The following L3MBTL1 variants were observed in gnomAD, a reference collection of about 807,000 sequenced individuals.
L3MBTL1 encodes lethal(3)malignant brain tumor-like protein 1.
L3MBTL1 carries 75 observed loss-of-function variants against 105.3 expected under a neutral mutation model. The ratio of observed to expected loss-of-function variants is 0.71; its 90% CI spans 0.59 to 0.86. L3MBTL1 has a LOEUF of 0.86. Among genes scored for constraint, L3MBTL1 ranks in the 40% least tolerant of loss-of-function variants. L3MBTL1 has a pLI of 0.00. For synonymous variants in L3MBTL1, 452 were observed against 436.2 expected, an observed-to-expected ratio of 1.04 and a Z score of -0.45; for missense variants, 1,069 against 1,126.4, an observed-to-expected ratio of 0.95 and a Z score of 0.73.
At chr20:43,511,786 A>C (rs2018142838) in intron 1 of L3MBTL1, among the ~76,000 whole-genome samples, 1 of 151,708 alleles carries the variant, frequency 6.6e-6, no homozygotes, top group Non-Finnish European at 1.5e-5. Flanking sequence ...ATCTCAAAAA[A>C]AAAAAAAAAA....
At chr20:43,509,475 C>A (rs540399529) in intron 1 of L3MBTL1, among the ~76,000 whole-genome samples, 28 of 152,246 alleles carry the variant, frequency 1.8e-4, no homozygotes, top group Non-Finnish European at 2.9e-4. Flanking sequence ...GATCCTCCCA[C>A]CTTGGCCTCC....
rs555478619 is a variant in L3MBTL1 at position 43,508,059 on chromosome 20, G to GT, written c.-29+322dup. Among the ~76,000 whole-genome samples the GT allele has an allele frequency of 1.4e-4, 21 of 152,248 alleles. No homozygotes were observed. In the South Asian group the frequency reaches 3.7e-3, roughly 27 times the overall value. On this transcript the variant is annotated intron_variant, in intron 1 of 21. Coordinates refer to ENST00000418998, the MANE Select transcript of L3MBTL1 (RefSeq NM_001377303.1). The stretch of plus-strand genomic sequence containing the variant: ...TTTGGAGATACGCAATCAATTAAGA[G>GT]TTTTTTTATTAATGGAAAGGTGTGG...
chr20:43,531,061 G>A, intron 11 of L3MBTL1, 172 bp downstream of exon 11: 1 of 604,284 alleles, frequency 1.7e-6, no homozygotes, highest in East Asian at 2.9e-5. Flanking sequence ...CAGGGCCAGA[G>A]ATGGGAAGCT....
Position 43,514,680 on chromosome 20 carries a change from C to T in L3MBTL1, c.406C>T (p.Gln136Ter). 6.3e-7 allele frequency: 1 copy of T among 1,588,588 alleles called. No individual in the cohort carries two copies. The highest frequency in any genetic ancestry group is 8.6e-7 in the Non-Finnish European group (1 of 1,168,028). ...YKPLNMAGVE[Q>*]PPSPELRQEG... The stretch of plus-strand genomic sequence containing the variant: ...GCCGCTGAACATGGCGGGAGTGGAG[C>T]AGCCCCCGAGCCCCGAGCTGCGGCA... Residue 136 changes from glutamine (Q) to a stop codon, truncating the protein, a stop_gained, in exon 4 of 22, where the codon CAG (glutamine) becomes TAG (stop). Transcript: ENST00000418998. LOFTEE classifies it high-confidence loss of function.
intron 7 of L3MBTL1, among the ~76,000 whole-genome samples, chr20:43,517,100 T>C (rs1452520753): frequency 7.2e-6 from 1 of 138,928 alleles, no homozygotes; most frequent in Non-Finnish European, 1.6e-5. Context: ...CCTGGTCGTC[T>C]TTTTTTTTTT....
intron 11 of L3MBTL1, chr20:43,531,841 A>G (rs532526987): frequency 6.6e-6 from 1 of 152,378 alleles, no homozygotes; most frequent in Non-Finnish European, 1.5e-5. Flanking sequence ...CAGCGTAGGC[A>G]ACATAGTGAG....
intron 1 of L3MBTL1, among the ~76,000 whole-genome samples, chr20:43,511,730 G>A (rs1313622681): frequency 1.3e-5 from 2 of 149,402 alleles, no homozygotes; most frequent in African/African-American, 2.5e-5. Context: ...GCAGTCAGCC[G>A]AGATGGCACC....
chr20:43,519,121 G>A (rs1449751422), intron 7 of L3MBTL1, among the ~76,000 whole-genome samples: 1 of 151,938 alleles, frequency 6.6e-6, no homozygotes, highest in African/African-American at 2.4e-5. Flanking sequence ...TGGATCACTT[G>A]AGCTCAGGAA....
intron 14 of L3MBTL1, 43 bp downstream of exon 14, chr20:43,534,136 C>T (rs1269350230): frequency 1.9e-6 from 3 of 1,577,962 alleles, no homozygotes; most frequent in Non-Finnish European, 1.7e-6. Context: ...CTCAGAAAGA[C>T]ATGGAGCACT....
chr20:43,532,976 C>A (rs1178451703), intron 12 of L3MBTL1, 52 bp downstream of exon 12: 4 of 1,580,244 alleles, frequency 2.5e-6, no homozygotes, highest in Admixed American at 1.7e-5. Context: ...TGGCAGGGGG[C>A]AACTGCTTTC....
intron 9 of L3MBTL1, among the ~76,000 whole-genome samples, chr20:43,529,592 T>G (rs2019220584): frequency 6.6e-6 from 1 of 152,188 alleles, no homozygotes; most frequent in Non-Finnish European, 1.5e-5. Context: ...CTGGGGGAGC[T>G]TGAGGAGATC....
At chr20:43,541,946 C>G (rs1298136272), downstream of L3MBTL1, 1 of 980,910 alleles carries the variant, frequency 1.0e-6, no homozygotes, top group African/African-American at 1.8e-5. Context: ...CACAGTGGCT[C>G]ACGCCTGTAA....
chr20:43,525,711 A>G (rs1254931344), intron 7 of L3MBTL1, among the ~76,000 whole-genome samples: 5 of 152,184 alleles, frequency 3.3e-5, no homozygotes, highest in African/African-American at 1.2e-4. Context: ...TTTGGTGGTC[A>G]GGCCTCTTTC....
chr20:43,515,251 C>G (rs2018326247), intron 5 of L3MBTL1, 41 bp from the exon 6 acceptor site: 1 of 1,612,138 alleles, frequency 6.2e-7, no homozygotes, highest in African/African-American at 1.3e-5. Flanking sequence ...CTGGGTGGTG[C>G]AGGGCGGGTG....
chr20:43,513,468 G>C lies in L3MBTL1; in HGVS notation c.-28-8G>C. The C allele has an allele frequency of 4.5e-6, 7 of 1,547,240 alleles. No individual in the cohort carries two copies. Among genetic ancestry groups the C allele is most frequent in the Non-Finnish European group, 6.1e-6 (7 of 1,144,994 alleles). On this transcript the variant is annotated splice_polypyrimidine_tract_variant and splice_region_variant and intron_variant, in intron 1 of 21. Transcript: ENST00000418998. ...CTGATCACCCTGGGGGCTATGTTTG[G>C]CTTGTAGGCCTGCCAGGATGGAGGG...
At chr20:43,550,002 C>T (rs1568646650) in exon 19 of L3MBTL1, 2 of 152,192 alleles carry the variant, frequency 1.3e-5, no homozygotes, top group African/African-American at 4.8e-5. Flanking sequence ...TCCCTCTCAA[C>T]TGCTTAGAGG....
chr20:43,511,641 C>G lies in L3MBTL1; in HGVS notation c.-28-1835C>G, dbSNP rs527318445. Among the ~76,000 whole-genome samples, 22 of 151,916 alleles carry G rather than the reference C, an allele frequency of 1.4e-4. No homozygotes were observed. In the South Asian group the frequency reaches 4.0e-3, roughly 27 times the overall value. ...ACTAAAAATACAAAAAATAGCCAGG[C>G]TATGTGGTATGTGCCTGTAATCCCA... On this transcript the variant is annotated intron_variant, in intron 1 of 21. Coordinates refer to ENST00000418998, the MANE Select transcript of L3MBTL1 (RefSeq NM_001377303.1).
Position 43,513,653 on chromosome 20 carries a change from G to A in L3MBTL1, c.136+14G>A, listed in dbSNP as rs2018201032. 1 of 1,550,598 alleles carries A rather than the reference G, an allele frequency of 6.4e-7. No individual in the cohort carries two copies. Among genetic ancestry groups the A allele is most frequent in the Non-Finnish European group, 8.7e-7 (1 of 1,146,984 alleles). ...TCATCATTCCAGGTGAGTCAAGCTA[G>A]GGTAGGAGTCTGGGAAGGAAGAGCA... On this transcript the variant is annotated intron_variant, in intron 2 of 21. Transcript: ENST00000418998.
rs1244671075 is a variant in L3MBTL1 at position 43,515,089 on chromosome 20, G to A, written c.583G>A (p.Gly195Arg). The A allele has an allele frequency of 1.2e-6, 2 of 1,614,148 alleles. No individual in the cohort carries two copies. Among genetic ancestry groups the A allele is most frequent in the Non-Finnish European group, 1.7e-6 (2 of 1,180,004 alleles). ...TAGCACCTGTCAGTGCCAGGCGTGC[G>A]GGCCTCACCAAGCCGCGGGTCCAGA... is the stretch of plus-strand genomic sequence containing the variant. ...DDSTCQCQAC[G>R]PHQAAGPDLG... The change falls in exon 5 of 22, where the codon GGG becomes AGG. Residue 195 changes from glycine (G) to arginine (R), a missense_variant. Gly to Arg is a moderately radical substitution (Grantham distance 125). Transcript: ENST00000418998.
Sources: gnomAD v4.1 joint callset for allele counts (sites outside exome capture counted in the v4.1 genomes callset) on GRCh38, gnomAD v4.1.1 for gene constraint, MANE v1.5 for transcripts, NCBI Gene and HGNC (gene_info 2026-07-23, HGNC 2026-07-21) for gene names.